Variants in LAMC1 observed in about 807,000 individuals in gnomAD.
The protein encoded by LAMC1 is laminin subunit gamma 1.
LAMC1 carries 38 observed loss-of-function variants against 173.6 expected under a neutral mutation model. The observed-to-expected ratio is 0.22, with a 90% CI of 0.17 to 0.29. LAMC1 has a LOEUF of 0.29. Among genes scored for constraint, LAMC1 ranks in the 10% least tolerant of loss-of-function variants. The probability of loss-of-function intolerance (pLI) is 1.00; values close to 1 mark genes in which losing one functional copy is unlikely to be tolerated. For missense variants in LAMC1, 1,824 were observed against 2,051.8 expected, an observed-to-expected ratio of 0.89 and a Z score of 2.14; for synonymous variants, 746 against 749.1, an observed-to-expected ratio of 1.00 and a Z score of 0.07.
At position 183,072,697 on chromosome 1, in the gene LAMC1, C is replaced by T. The variant is rs752491716; in HGVS notation, c.419-30631C>T. Among the ~76,000 whole-genome samples the T allele has an allele frequency of 2.2e-3, 331 of 152,296 alleles. 1 individual carries two copies. The highest frequency in any genetic ancestry group is 2.6e-3 in the Non-Finnish European group (176 of 68,018). On this transcript the variant is annotated intron_variant, in intron 1 of 27. Transcript: ENST00000258341. ...CAGCAGGAGGGGAGCAGCAGGCAAG[C>T]GAGCGAAGCTTTATTTGTATTTATA...
intron 1 of LAMC1, among the ~76,000 whole-genome samples, chr1:183,044,504 A>G (rs922833228): frequency 2.0e-5 from 3 of 152,146 alleles, no homozygotes; most frequent in African/African-American, 7.2e-5. Flanking sequence ...AGGCATTTAA[A>G]TATTCTTTGG....
At chr1:183,058,387 A>G (rs959298313) in intron 1 of LAMC1, among the ~76,000 whole-genome samples, 1 of 152,136 alleles carries the variant, frequency 6.6e-6, no homozygotes, top group African/African-American at 2.4e-5. Context: ...ATCTATGGTT[A>G]TTTCAATTTG....
Position 183,122,266 on chromosome 1 carries a change from T to G in LAMC1, c.2401+15T>G. 6.2e-7 allele frequency: 1 copy of G among 1,611,454 alleles called. No homozygotes were observed. The highest frequency in any genetic ancestry group is 8.5e-7 in the Non-Finnish European group (1 of 1,178,134). ...TGGCACCACTGGTAAGTCTGCTCGC[T>G]TCATCTGCTTTCAGTGTTCCCTTCT... On this transcript the variant is annotated intron_variant, in intron 13 of 27. Coordinates refer to ENST00000258341, the MANE Select transcript of LAMC1 (RefSeq NM_002293.4).
intron 1 of LAMC1, among the ~76,000 whole-genome samples, chr1:183,039,627 C>T (rs184001588): frequency 6.6e-6 from 1 of 152,252 alleles, no homozygotes; most frequent in East Asian, 1.9e-4. Flanking sequence ...GCATCAACTC[C>T]TGGGTAGACT....
intron 1 of LAMC1, among the ~76,000 whole-genome samples, chr1:183,060,134 A>T: frequency 6.6e-6 from 1 of 152,196 alleles, no homozygotes; most frequent in East Asian, 1.9e-4. Flanking sequence ...CTGTCTGCTT[A>T]GAAATCACCC....
At position 183,143,035 on chromosome 1, in the gene LAMC1, T is replaced by A; in HGVS notation, c.*245T>A. The A allele has an allele frequency of 4.6e-6, 2 of 438,360 alleles. No individual in the cohort carries two copies. The highest frequency in any genetic ancestry group is 5.3e-5 in the South Asian group (2 of 37,918). 27.2% of individuals were successfully genotyped at this position (438,360 alleles called of 1,614,324 possible). On this transcript the variant is annotated 3_prime_UTR_variant, in exon 28 of 28. Coordinates refer to ENST00000258341, the MANE Select transcript of LAMC1 (RefSeq NM_002293.4). ...TCACGTTGCTACCTTACCCACACTT[T>A]CCCTTCTGATTTGCGTGAGGACGTG... is the stretch of plus-strand genomic sequence containing the variant.
At chr1:183,062,793 A>G (rs981637819) in intron 1 of LAMC1, among the ~76,000 whole-genome samples, 3 of 152,158 alleles carry the variant, frequency 2.0e-5, no homozygotes, top group African/African-American at 7.2e-5. Context: ...CTCTACTAAA[A>G]ACACAAAAAA....
intron 4 of LAMC1, among the ~76,000 whole-genome samples, chr1:183,111,529 GAA>G (rs1404283628): frequency 6.6e-6 from 1 of 151,608 alleles, no homozygotes; most frequent in Non-Finnish European, 1.5e-5. Context: ...AGGTAAAAAT[GAA>G]AAAAAAGTAA....
At chr1:183,099,033 A>G (rs965158769) in intron 1 of LAMC1, among the ~76,000 whole-genome samples, 3 of 151,960 alleles carry the variant, frequency 2.0e-5, no homozygotes, top group South Asian at 2.1e-4. Context: ...GGCAGACTAC[A>G]TGGTAGATTA....
chr1:183,086,239 A>G (rs1466663008), intron 1 of LAMC1, among the ~76,000 whole-genome samples: 3 of 152,212 alleles, frequency 2.0e-5, no homozygotes, highest in East Asian at 1.9e-4. Context: ...ATGTGCTTAT[A>G]TGGCCGCGTT....
Position 183,103,429 on chromosome 1 carries a change from C to T in LAMC1, c.520C>T (p.Pro174Ser), listed in dbSNP as rs1283364489. 1 of 1,614,146 alleles carries T rather than the reference C, an allele frequency of 6.2e-7. No homozygotes were observed. The highest frequency in any genetic ancestry group is 1.1e-5 in the South Asian group (1 of 91,082). ...KRTREDGPWI[P>S]YQYYSGSCEN... ...CACACGGGAAGACGGGCCCTGGATT[C>T]CTTACCAGTACTACAGTGGTTCCTG... Residue 174 changes from proline to serine, a missense_variant, in exon 2 of 28, where the codon CCT becomes TCT. By Grantham distance (74) the Pro-to-Ser change is moderately conservative. Transcript: ENST00000258341.
intron 1 of LAMC1, among the ~76,000 whole-genome samples, chr1:183,073,374 A>G (rs924454306): frequency 8.5e-5 from 13 of 152,244 alleles, no homozygotes; most frequent in African/African-American, 3.1e-4. Context: ...TGAAAGAAAT[A>G]GCTATAAAAA....
chr1:183,025,834 A>G (rs373313919), intron 1 of LAMC1, among the ~76,000 whole-genome samples: 13 of 152,196 alleles, frequency 8.5e-5, no homozygotes, highest in African/African-American at 3.1e-4. Flanking sequence ...TCTCTTATTT[A>G]CATAAAGGTG....
intron 1 of LAMC1, among the ~76,000 whole-genome samples, chr1:183,081,130 G>A (rs1408390902): frequency 6.6e-6 from 1 of 151,804 alleles, no homozygotes. Context: ...CACGTGATCC[G>A]CCTGCATCGG....
chr1:183,028,448 A>G (rs1430355254), intron 1 of LAMC1, among the ~76,000 whole-genome samples: 1 of 150,872 alleles, frequency 6.6e-6, no homozygotes, highest in Non-Finnish European at 1.5e-5. Context: ...ACAATAATAA[A>G]TCAAGGGTGT....
intron 1 of LAMC1, among the ~76,000 whole-genome samples, chr1:183,053,648 CAG>C (rs1461298216): frequency 2.7e-5 from 4 of 150,804 alleles, no homozygotes; most frequent in Admixed American, 6.6e-5. Flanking sequence ...TTTTTTTTGA[CAG>C]AGTCTTGCTC....
rs1001306482 is a variant in LAMC1, at chr1:183,023,771, C to CCCGTGCTGG, written c.66_74dup (p.Val23_Ala25dup). The CCCGTGCTGG allele has an allele frequency of 2.3e-5, 33 of 1,428,134 alleles. 1 individual carries two copies. Among genetic ancestry groups the CCCGTGCTGG allele is most frequent in the East Asian group, 1.1e-4 (4 of 36,902 alleles). The allele number at this position is 1,428,134 out of a possible 1,614,324, so 88.5% of individuals were successfully genotyped here. ...CCTGCGGCCCCGGGGGCGGCTCTGG[C>CCCGTGCTGG]CCGTGCTGGCCGTGCTGGCGGCGGC... On this transcript the variant is annotated inframe_insertion, in exon 1 of 28. Transcript: ENST00000258341.
In LAMC1 at chr1:183,121,753, C is replaced by A; in HGVS notation, c.2021C>A (p.Ala674Glu). The change falls in exon 12 of 28, where the codon GCA (alanine) becomes GAA (glutamate). Residue 674 changes from alanine (A) to glutamate (E), a missense_variant. Transcript: ENST00000258341. Reference protein sequence around the residue: ...SAGYLDDVTLASARPGPGVPA... With the variant: ...SAGYLDDVTLESARPGPGVPA... ...GGATATTTGGATGATGTCACCCTGG[C>A]AAGTGCTCGTCCTGGGCCTGGAGTC... 1 of 1,614,130 alleles carries A rather than the reference C, an allele frequency of 6.2e-7. No homozygotes were observed. Among genetic ancestry groups the A allele is most frequent in the Non-Finnish European group, 8.5e-7 (1 of 1,180,008 alleles).
intron 1 of LAMC1, among the ~76,000 whole-genome samples, chr1:183,045,811 G>A (rs1387670238): frequency 6.6e-6 from 1 of 151,992 alleles, no homozygotes; most frequent in African/African-American, 2.4e-5. Flanking sequence ...TCCACATTGG[G>A]TATTGTGAGA....
Sources: gnomAD v4.1 joint callset for allele counts (sites outside exome capture counted in the v4.1 genomes callset) on GRCh38, gnomAD v4.1.1 for gene constraint, MANE v1.5 for transcripts, NCBI Gene and HGNC (gene_info 2026-07-23, HGNC 2026-07-21) for gene names.